Variants in CR1L observed in about 807,000 individuals in gnomAD.
CR1L encodes the protein complement component receptor 1-like protein.
In CR1L, 59 loss-of-function variants were observed where a neutral mutation model predicts 62.3. The observed-to-expected ratio is 0.95, with a 90% CI of 0.77 to 1.18. CR1L has a LOEUF of 1.18. Ranked by LOEUF, CR1L falls within the 50% of genes most tolerant of loss-of-function variation. CR1L has a pLI of 0.00. For synonymous variants in CR1L, 279 were observed against 248.7 expected (o/e 1.12, Z -1.15); for missense variants, 700 against 702.8 (o/e 1.00, Z 0.04).
At chr1:207,720,101 A>G (rs915825769) in intron 11 of CR1L, among the ~76,000 whole-genome samples, 1 of 152,234 alleles carries the variant, frequency 6.6e-6, no homozygotes, top group African/African-American at 2.4e-5. Context: ...CCAAATAACT[A>G]TTAACCAGCA....
chr1:207,713,438 T>A (rs193140451), intron 10 of CR1L, among the ~76,000 whole-genome samples: 2 of 152,386 alleles, frequency 1.3e-5, no homozygotes, highest in African/African-American at 4.8e-5. Context: ...AAGATTTTTC[T>A]CAGCCACTTT....
Position 207,715,497 on chromosome 1 carries a change from A to ATT in CR1L, c.1415-1966_1415-1965dup, listed in dbSNP as rs1419924669. 6.1e-6 allele frequency: 4 copies of ATT among 657,072 alleles called. No homozygotes were observed. In the East Asian group the frequency reaches 1.2e-4, roughly 20 times the overall value. 40.7% of individuals were successfully genotyped at this position (657,072 alleles called of 1,614,324 possible). A position where few individuals can be genotyped will look rare whatever the true frequency, so the allele number is the denominator to read the frequency against. ...CTTGTCTGGATCTTTACTTAACTAA[A>ATT]TTACTGATTAAAATACTTCTCTGTT... On this transcript the variant is annotated intron_variant, in intron 10 of 11. Coordinates refer to ENST00000508064, the MANE Select transcript of CR1L (RefSeq NM_175710.2).
At position 207,706,702 on chromosome 1, in the gene CR1L, G is replaced by A. The variant is rs140697298; in HGVS notation, c.1329-1476G>A. 4.4e-3 allele frequency among the ~76,000 whole-genome samples: 676 copies of A among 152,266 alleles called. 4 individuals carry two copies. Among genetic ancestry groups the A allele is most frequent in the Middle Eastern group, 0.017 (5 of 294 alleles). On this transcript the variant is annotated intron_variant, in intron 9 of 11. Transcript: ENST00000508064. ...GCCAAGCTAATATTCACATCTAGAG[G>A]CTCCAGATACACATTAAAGAATAAG...
At chr1:207,665,336 G>A (rs992782670) in intron 1 of CR1L, among the ~76,000 whole-genome samples, 2 of 152,058 alleles carry the variant, frequency 1.3e-5, no homozygotes, top group Admixed American at 6.6e-5. Flanking sequence ...TTACAGGCGT[G>A]AGCTGTAGTG....
intron 4 of CR1L, among the ~76,000 whole-genome samples, chr1:207,690,513 A>G (rs1439731320): frequency 6.6e-6 from 1 of 152,224 alleles, no homozygotes; most frequent in Non-Finnish European, 1.5e-5. Flanking sequence ...TTCATTTTCT[A>G]GAAATGTCAT....
chr1:207,710,401 C>G, intron 10 of CR1L: 1 of 1,528,680 alleles, frequency 6.5e-7, no homozygotes, highest in Non-Finnish European at 9.1e-7. Context: ...GTGGGCTACC[C>G]CCCAACATCA....
At chr1:207,669,450 G>A in intron 1 of CR1L, 4 of 1,387,328 alleles carry the variant, frequency 2.9e-6, no homozygotes, top group Admixed American at 1.7e-5. Flanking sequence ...GGAGGATGGG[G>A]GTCTCTTCTC....
intron 4 of CR1L, among the ~76,000 whole-genome samples, chr1:207,686,269 G>A (rs542086343): frequency 2.0e-5 from 3 of 146,446 alleles, no homozygotes; most frequent in African/African-American, 7.6e-5. Context: ...TTGAACATTG[G>A]TAGCAATAGA....
At chr1:207,663,464 T>C (rs556374286) in intron 1 of CR1L, among the ~76,000 whole-genome samples, 1 of 152,364 alleles carries the variant, frequency 6.6e-6, no homozygotes, top group East Asian at 1.9e-4. Context: ...TATAATCTCC[T>C]GGTGTGCCGT....
chr1:207,697,781 T>G lies in CR1L; in HGVS notation c.1050T>G (p.Cys350Trp). Reference sequence around the variant, plus strand: ...TTTCTTTTTTTCCAGTGAAATCCTGTGATGACTTCCTGGGCCAACTTCCTA... The same window carrying G: ...TTTCTTTTTTTCCAGTGAAATCCTGGGATGACTTCCTGGGCCAACTTCCTA... Reference protein sequence around the residue: ...PAAPRCEVKSCDDFLGQLPNG... With the variant: ...PAAPRCEVKSWDDFLGQLPNG... Residue 350 changes from cysteine to tryptophan, a missense_variant, in exon 7 of 12, where the codon TGT becomes TGG. Coordinates refer to ENST00000508064, the MANE Select transcript of CR1L (RefSeq NM_175710.2). 6.2e-7 allele frequency: 1 copy of G among 1,613,970 alleles called. No homozygotes were observed. Among genetic ancestry groups the G allele is most frequent in the Non-Finnish European group, 8.5e-7 (1 of 1,179,890 alleles).
chr1:207,651,887 G>A (rs549395589), intron 1 of CR1L, among the ~76,000 whole-genome samples: 1 of 152,306 alleles, frequency 6.6e-6, no homozygotes, highest in South Asian at 2.1e-4. Context: ...TTATATTTAA[G>A]TAGTGTATAT....
At chr1:207,713,651 C>T (rs1442343077) in intron 10 of CR1L, among the ~76,000 whole-genome samples, 7 of 152,246 alleles carry the variant, frequency 4.6e-5, no homozygotes, top group Admixed American at 1.3e-4. Flanking sequence ...CAGCTGGCCG[C>T]GCCAAGCACT....
intron 4 of CR1L, among the ~76,000 whole-genome samples, chr1:207,690,431 T>C (rs1199125666): frequency 2.0e-5 from 3 of 152,224 alleles, no homozygotes; most frequent in Non-Finnish European, 4.4e-5. Flanking sequence ...AGACATGGTT[T>C]ATGGCCCAGA....
intron 1 of CR1L, among the ~76,000 whole-genome samples, chr1:207,646,933 A>G (rs11118241): frequency 0.53 from 81,142 of 151,892 alleles, 22,018 homozygotes; most frequent in East Asian, 0.68. Flanking sequence ...TTCATTCAAC[A>G]AATATGGGTC....
chr1:207,656,556 C>T (rs563816249), intron 1 of CR1L, among the ~76,000 whole-genome samples: 1 of 152,102 alleles, frequency 6.6e-6, no homozygotes, highest in Non-Finnish European at 1.5e-5. Context: ...GCTCGTGATT[C>T]TACAAGCTGT....
chr1:207,694,811 G>C (rs1363184104), intron 5 of CR1L, 60 bp downstream of exon 5: 2 of 1,610,362 alleles, frequency 1.2e-6, no homozygotes, highest in Admixed American at 3.3e-5. Context: ...GTTGGATCAG[G>C]AGATTAGTAT....
intron 9 of CR1L, among the ~76,000 whole-genome samples, chr1:207,707,338 T>G (rs1977265): frequency 0.66 from 99,716 of 152,126 alleles, 34,477 homozygotes; most frequent in East Asian, 0.87. Context: ...GTGAAAGAAT[T>G]ATGACAAGGC....
intron 5 of CR1L, 108 bp from the exon 6 acceptor site, chr1:207,697,395 C>A (rs1424961368): frequency 3.8e-6 from 6 of 1,597,728 alleles, no homozygotes; most frequent in African/African-American, 1.3e-5. Flanking sequence ...TGTTATTCTA[C>A]CTTTTTTGTT....
chr1:207,668,986 C>T (rs1420375963), intron 1 of CR1L: 1 of 170,292 alleles, frequency 5.9e-6, no homozygotes, highest in African/African-American at 2.5e-5. Context: ...TTCACATTCC[C>T]TGTGCACTGT....
Sources: allele counts gnomAD v4.1 joint callset (sites outside exome capture counted in the v4.1 genomes callset), GRCh38; gene constraint gnomAD v4.1.1; transcripts MANE v1.5; gene names NCBI Gene and HGNC (gene_info 2026-07-23, HGNC 2026-07-21).